The following ZNF385B variants were observed in gnomAD, a reference collection of about 807,000 sequenced individuals.
ZNF385B encodes zinc finger protein 385B, also known as zinc finger protein 533.
ZNF385B carries 23 observed loss-of-function variants against 39.2 expected under a neutral mutation model. The observed-to-expected ratio is 0.59, with a 90% CI of 0.42 to 0.83. The LOEUF is 0.83. Among genes scored for constraint, ZNF385B ranks in the 40% least tolerant of loss-of-function variants. The pLI, the probability that ZNF385B is intolerant of heterozygous loss-of-function variation, is 0.00. For synonymous variants in ZNF385B, 205 were observed against 222.6 expected, an observed-to-expected ratio of 0.92 and a Z score of 0.70; for missense variants, 552 against 598.9, an observed-to-expected ratio of 0.92 and a Z score of 0.82.
At chr2:179,682,496 C>T (rs1697595498) in intron 3 of ZNF385B, among the ~76,000 whole-genome samples, 1 of 152,186 alleles carries the variant, frequency 6.6e-6, no homozygotes, top group African/African-American at 2.4e-5. Context: ...TTTCCGTGTT[C>T]ACTTACCACA....
chr2:179,493,549 GTACA>G (rs750880004), intron 5 of ZNF385B, among the ~76,000 whole-genome samples: 3,937 of 101,754 alleles, frequency 0.039, 14 homozygotes, highest in East Asian at 0.11. Context: ...ATACATACGT[GTACA>G]TGCACATATA....
In ZNF385B at chr2:179,697,129, C is replaced by T. The variant is rs114776490; in HGVS notation, c.298+72374G>A. On this transcript the variant is annotated intron_variant, in intron 3 of 9. Transcript: ENST00000410066. ...TTGAAGTCTGATTTAATTTTGCTTA[C>T]GAAAATAAGCATATGTGCCTTTTTT... 4.4e-3 allele frequency among the ~76,000 whole-genome samples: 677 copies of T among 152,224 alleles called. 3 individuals are homozygous for T. Among genetic ancestry groups the T allele is most frequent in the African/African-American group, 0.015 (642 of 41,522 alleles).
chr2:179,445,594 C>T lies in ZNF385B; in HGVS notation c.1096G>A (p.Glu366Lys), dbSNP rs1191194252. The change falls in exon 8 of 10, where the codon GAA becomes AAA. Residue 366 changes from glutamate to lysine, a missense_variant. Physicochemically the swap from Glu to Lys is moderately conservative, Grantham distance 56. Transcript: ENST00000410066. ...GAATTAACATGAACATCACAGATTTCACAATGAAATGTCTTGTTCTGTAGT... is the reference window on the plus strand; with the variant it reads ...GAATTAACATGAACATCACAGATTTTACAATGAAATGTCTTGTTCTGTAGT... ...SGLQNKTFHC[E>K]ICDVHVNSEI... 6.2e-7 allele frequency: 1 copy of T among 1,612,134 alleles called. No individual in the cohort carries two copies. The highest frequency in any genetic ancestry group is 8.5e-7 in the Non-Finnish European group (1 of 1,179,540).
chr2:179,765,048 T>G (rs574322536), intron 3 of ZNF385B, among the ~76,000 whole-genome samples: 1 of 151,532 alleles, frequency 6.6e-6, no homozygotes, highest in Admixed American at 6.6e-5. Flanking sequence ...CCATTGGCTG[T>G]CCTGGGTCTT....
At chr2:179,710,690 T>C (rs1406441207) in intron 3 of ZNF385B, among the ~76,000 whole-genome samples, 5 of 152,190 alleles carry the variant, frequency 3.3e-5, no homozygotes, top group Admixed American at 3.3e-4. Flanking sequence ...GGCCATGACT[T>C]GCCCTTTCTT....
chr2:179,686,608 G>A (rs1222223197), intron 3 of ZNF385B, among the ~76,000 whole-genome samples: 1 of 152,136 alleles, frequency 6.6e-6, no homozygotes, highest in Non-Finnish European at 1.5e-5. Context: ...CTGGTCGGCA[G>A]TTAGGACAAT....
chr2:179,619,163 G>A, intron 3 of ZNF385B, among the ~76,000 whole-genome samples: 1 of 152,118 alleles, frequency 6.6e-6, no homozygotes, highest in East Asian at 1.9e-4. Flanking sequence ...AGGCCAGACA[G>A]GTTAGATTCC....
chr2:179,773,429 T>C (rs1254931418), intron 1 of ZNF385B, among the ~76,000 whole-genome samples: 1 of 152,172 alleles, frequency 6.6e-6, no homozygotes, highest in African/African-American at 2.4e-5. Context: ...AAAGTCACTA[T>C]AAACACTTCT....
intron 3 of ZNF385B, among the ~76,000 whole-genome samples, chr2:179,718,586 T>C (rs935882135): frequency 4.0e-5 from 6 of 149,814 alleles, no homozygotes; most frequent in African/African-American, 1.5e-4. Flanking sequence ...ATCTGTACTT[T>C]GAGCTATACT....
intron 3 of ZNF385B, chr2:179,745,738 C>G: frequency 6.5e-7 from 1 of 1,543,138 alleles, no homozygotes; most frequent in Non-Finnish European, 8.7e-7. Flanking sequence ...CACTCCACAT[C>G]CTGGCAGGGC....
At chr2:179,739,381 G>C (rs775681185) in intron 3 of ZNF385B, among the ~76,000 whole-genome samples, 16 of 152,154 alleles carry the variant, frequency 1.1e-4, no homozygotes, top group Non-Finnish European at 1.9e-4. Context: ...GGCTCCTCTA[G>C]AGGGATATAA....
At chr2:179,658,466 A>C (rs1694053332) in intron 3 of ZNF385B, among the ~76,000 whole-genome samples, 1 of 152,208 alleles carries the variant, frequency 6.6e-6, no homozygotes, top group Admixed American at 6.5e-5. Flanking sequence ...AACTTTAAGA[A>C]ATCATTTCAT....
At chr2:179,553,755 G>A (rs748302349) in intron 3 of ZNF385B, among the ~76,000 whole-genome samples, 13 of 149,250 alleles carry the variant, frequency 8.7e-5, no homozygotes, top group Admixed American at 8.0e-4. Flanking sequence ...AGCTTAAAGC[G>A]GTTCTTTTCT....
intron 3 of ZNF385B, among the ~76,000 whole-genome samples, chr2:179,591,015 G>A (rs1178926373): frequency 6.6e-6 from 1 of 151,730 alleles, no homozygotes; most frequent in Non-Finnish European, 1.5e-5. Context: ...AGAAAGTTAA[G>A]GTTTAATGGG....
In ZNF385B at chr2:179,652,023, A is replaced by G. The variant is rs1313466957; in HGVS notation, c.299-107054T>C. On this transcript the variant is annotated intron_variant, in intron 3 of 9. Coordinates refer to ENST00000410066, the MANE Select transcript of ZNF385B (RefSeq NM_152520.6). ...AACTGTACTGCCAGAGAAAATTTTT[A>G]GTCCCAGATTAAAAAACAGAACTGA... Among the ~76,000 whole-genome samples the G allele has an allele frequency of 3.3e-5, 5 of 152,292 alleles. No homozygotes were observed. The East Asian group carries it at 9.7e-4, about 29-fold the overall frequency.
Position 179,503,957 on chromosome 2 carries a change from T to C in ZNF385B, c.552+14571A>G, listed in dbSNP as rs532293369. 4.7e-3 allele frequency among the ~76,000 whole-genome samples: 698 copies of C among 150,064 alleles called. 8 individuals carry two copies. The highest frequency in any genetic ancestry group is 0.016 in the African/African-American group (659 of 40,520). ...TAGTTACATATGTATACATGTGCCATGCTGGTGCGCTGCACCCACTAACTC... is the reference window on the plus strand; with the variant it reads ...TAGTTACATATGTATACATGTGCCACGCTGGTGCGCTGCACCCACTAACTC... On this transcript the variant is annotated intron_variant, in intron 5 of 9. Coordinates refer to ENST00000410066, the MANE Select transcript of ZNF385B (RefSeq NM_152520.6).
chr2:179,479,386 A>G (rs2053754373), intron 6 of ZNF385B, among the ~76,000 whole-genome samples: 1 of 152,200 alleles, frequency 6.6e-6, no homozygotes. Flanking sequence ...CATTGTACAG[A>G]TCTGGATACA....
rs796925106 is a variant in ZNF385B at position 179,550,422 on chromosome 2, T to TC, written c.299-5454dup. Among the ~76,000 whole-genome samples the TC allele has an allele frequency of 1.0e-4, 15 of 149,406 alleles. 2 individuals carry two copies. Among genetic ancestry groups the TC allele is most frequent in the African/African-American group, 3.8e-4 (15 of 39,746 alleles). ...CAACAAAGGTTGGAATGCGCAATGA[T>TC]CCCCCTTACCCAATCAAATCTCTAT... On this transcript the variant is annotated intron_variant, in intron 3 of 9. Coordinates refer to ENST00000410066, the MANE Select transcript of ZNF385B (RefSeq NM_152520.6).
chr2:179,692,659 T>G (rs1698443173), intron 3 of ZNF385B, among the ~76,000 whole-genome samples: 1 of 152,208 alleles, frequency 6.6e-6, no homozygotes, highest in Non-Finnish European at 1.5e-5. Flanking sequence ...TTGCTAAAGT[T>G]GTCTTTCATG....
Sources: gnomAD v4.1 joint callset for allele counts (sites outside exome capture counted in the v4.1 genomes callset) on GRCh38, gnomAD v4.1.1 for gene constraint, MANE v1.5 for transcripts, NCBI Gene and HGNC (gene_info 2026-07-23, HGNC 2026-07-21) for gene names.